SCIN: variants seen among roughly 807,000 people sequenced by gnomAD.
SCIN encodes the protein adseverin.
Under a neutral mutation model 91.8 loss-of-function variants are expected in SCIN, and 91 were observed. The ratio of observed to expected loss-of-function variants is 0.99; its 90% CI spans 0.84 to 1.18. The LOEUF (loss-of-function observed/expected upper bound fraction) is 1.18. SCIN is among the 50% of genes most tolerant of loss of function. The pLI is 0.00. For missense variants in SCIN, 1,087 were observed against 863.9 expected, an observed-to-expected ratio of 1.26 and a Z score of -3.24; for synonymous variants, 367 against 312.6, an observed-to-expected ratio of 1.17 and a Z score of -1.84.
intron 3 of SCIN, among the ~76,000 whole-genome samples, chr7:12,586,515 T>C (rs944217985): frequency 5.3e-5 from 8 of 152,094 alleles, no homozygotes; most frequent in Admixed American, 5.2e-4. Context: ...ATGAAAAACA[T>C]TATGGAAGTT....
chr7:12,637,300 T>G (rs1391991453), intron 10 of SCIN, among the ~76,000 whole-genome samples: 1 of 152,194 alleles, frequency 6.6e-6, no homozygotes, highest in African/African-American at 2.4e-5. Context: ...ATCGTAAACA[T>G]GCGTAAGTTA....
intron 4 of SCIN, among the ~76,000 whole-genome samples, chr7:12,621,695 T>TACTG (rs1252394942): frequency 6.7e-6 from 1 of 148,448 alleles, no homozygotes; most frequent in East Asian, 2.0e-4. Context: ...AAAAACTGCA[T>TACTG]TACAATCATT....
At chr7:12,630,112 G>A (rs1359909558) in intron 9 of SCIN, among the ~76,000 whole-genome samples, 3 of 151,900 alleles carry the variant, frequency 2.0e-5, no homozygotes, top group African/African-American at 7.3e-5. Flanking sequence ...CTGCTGATAT[G>A]GTGACATTTC....
intron 8 of SCIN, among the ~76,000 whole-genome samples, chr7:12,628,738 A>G (rs957940620): frequency 6.6e-6 from 1 of 152,158 alleles, no homozygotes; most frequent in South Asian, 2.1e-4. Context: ...ATGTTATTTC[A>G]TAATTGAAGA....
At position 12,644,417 on chromosome 7, in the gene SCIN, G is replaced by T; in HGVS notation, c.1759+102G>T. On this transcript the variant is annotated intron_variant, in intron 12 of 15. Transcript: ENST00000297029. Reference sequence around the variant, plus strand: ...AGTCACTTTCTAATGGCTTATAAGGGTTAACAATCTCTCCATTAGTTGCAG... The same window carrying T: ...AGTCACTTTCTAATGGCTTATAAGGTTTAACAATCTCTCCATTAGTTGCAG... The T allele has an allele frequency of 2.8e-6, 4 of 1,446,984 alleles. No homozygotes were observed. In the Admixed American group the frequency reaches 7.1e-5, roughly 26 times the overall value. The allele number at this position is 1,446,984 out of a possible 1,614,324, so 89.6% of individuals were successfully genotyped here.
At position 12,578,216 on chromosome 7, in the gene SCIN, A is replaced by G; in HGVS notation, c.352A>G (p.Lys118Glu). Residue 118 changes from lysine (K) to glutamate (E), a missense_variant and splice_region_variant, in exon 2 of 16, where the codon AAG becomes GAG. Lys to Glu is a moderately conservative substitution (Grantham distance 56). Transcript: ENST00000297029. ...VSYFKGGLKY[K>E]AGGVASGLNH... ...CTATTTCAAAGGCGGTCTGAAATACAAGGTAAGCAGCTCCCTCAGTTTCCA... is the reference window on the plus strand; with the variant it reads ...CTATTTCAAAGGCGGTCTGAAATACGAGGTAAGCAGCTCCCTCAGTTTCCA... 6.5e-7 allele frequency: 1 copy of G among 1,545,686 alleles called. No homozygotes were observed. Among genetic ancestry groups the G allele is most frequent in the African/African-American group, 1.4e-5 (1 of 72,822 alleles).
At chr7:12,584,869 A>G (rs1782555884) in intron 3 of SCIN, among the ~76,000 whole-genome samples, 1 of 152,212 alleles carries the variant, frequency 6.6e-6, no homozygotes, top group South Asian at 2.1e-4. Context: ...TAGTGGAAGA[A>G]AAGCCCATAT....
intron 3 of SCIN, among the ~76,000 whole-genome samples, chr7:12,603,554 T>C (rs1332853917): frequency 2.6e-5 from 4 of 152,162 alleles, no homozygotes; most frequent in African/African-American, 9.7e-5. Flanking sequence ...GTCTGGGTAT[T>C]ATTCAACTTC....
At chr7:12,637,751 G>A (rs1783780942) in intron 10 of SCIN, among the ~76,000 whole-genome samples, 1 of 152,074 alleles carries the variant, frequency 6.6e-6, no homozygotes, top group African/African-American at 2.4e-5. Flanking sequence ...TACTTGTCGA[G>A]AATGACTGAA....
rs1377568979 is a variant in SCIN at position 12,657,079 on chromosome 7, T to C, written c.*4364T>C. The C allele has an allele frequency of 1.3e-5, 2 of 151,804 alleles. No homozygotes were observed. Among genetic ancestry groups the C allele is most frequent in the Non-Finnish European group, 2.9e-5 (2 of 67,966 alleles). 9.4% of individuals were successfully genotyped at this position (151,804 alleles called of 1,614,324 possible). ...CCACTACTTGGGAAGTATAAATTGA[T>C]ACAATGGGTTTGAACAGTTTTTGTA... On this transcript the variant is annotated 3_prime_UTR_variant, in exon 16 of 16. Coordinates refer to ENST00000297029, the MANE Select transcript of SCIN (RefSeq NM_001112706.3).
chr7:12,592,322 C>A (rs1782741709), intron 3 of SCIN, among the ~76,000 whole-genome samples: 1 of 151,978 alleles, frequency 6.6e-6, no homozygotes, highest in South Asian at 2.1e-4. Context: ...TCGGTATGAG[C>A]CATCAGACTT....
chr7:12,596,836 A>G (rs922739944), intron 3 of SCIN, among the ~76,000 whole-genome samples: 1 of 152,182 alleles, frequency 6.6e-6, no homozygotes, highest in Non-Finnish European at 1.5e-5. Flanking sequence ...AGAATTGTCC[A>G]AGTCATTTTC....
intron 4 of SCIN, among the ~76,000 whole-genome samples, chr7:12,605,421 T>C (rs879148384): frequency 1.3e-5 from 2 of 152,170 alleles, no homozygotes; most frequent in African/African-American, 4.8e-5. Context: ...GAGTATCCCT[T>C]TTCCAAAGTG....
chr7:12,632,243 G>T (rs1783661822), intron 9 of SCIN, among the ~76,000 whole-genome samples: 1 of 151,744 alleles, frequency 6.6e-6, no homozygotes, highest in South Asian at 2.1e-4. Flanking sequence ...CTATTCTCCT[G>T]CCTCAGCCTC....
In SCIN at chr7:12,657,678, T is replaced by C. The variant is rs1784196132; in HGVS notation, c.*4963T>C. The C allele has an allele frequency of 6.8e-6, 1 of 148,118 alleles. No individual in the cohort carries two copies. 9.2% of individuals were successfully genotyped at this position (148,118 alleles called of 1,614,324 possible). A position where few individuals can be genotyped will look rare whatever the true frequency, so the allele number is the denominator to read the frequency against. ...AGTGGAAGACAAATCAGAGGTATTA[T>C]TTTCCCTTGGGCCTTTGCAGCCTGT... On this transcript the variant is annotated 3_prime_UTR_variant, in exon 16 of 16. Transcript: ENST00000297029.
At chr7:12,600,865 T>A (rs849773) in intron 3 of SCIN, among the ~76,000 whole-genome samples, 132,231 of 152,178 alleles carry the variant, frequency 0.87, 57,819 homozygotes, top group East Asian at 1. Flanking sequence ...CTGATTTTAG[T>A]GCTCAGTGGC....
chr7:12,655,522 T>C lies in SCIN; in HGVS notation c.*2807T>C, dbSNP rs1359621105. On this transcript the variant is annotated 3_prime_UTR_variant, in exon 16 of 16. Transcript: ENST00000297029. ...AATGAAAAGATGTTCTAAGACACTC[T>C]TAATTAAATAAATTCACAATAAAAT... The C allele has an allele frequency of 6.6e-6, 1 of 152,206 alleles. No homozygotes were observed. Among genetic ancestry groups the C allele is most frequent in the African/African-American group, 2.4e-5 (1 of 41,440 alleles). The allele number at this position is 152,206 out of a possible 1,614,324, so 9.4% of individuals were successfully genotyped here.
At chr7:12,609,533 A>C (rs1306523970) in intron 4 of SCIN, among the ~76,000 whole-genome samples, 1 of 152,128 alleles carries the variant, frequency 6.6e-6, no homozygotes, top group Non-Finnish European at 1.5e-5. Flanking sequence ...CAAACAAAAA[A>C]AACCCCAAGG....
intron 8 of SCIN, among the ~76,000 whole-genome samples, chr7:12,627,624 G>A (rs1025293296): frequency 5.9e-5 from 9 of 152,190 alleles, no homozygotes; most frequent in South Asian, 2.1e-4. Flanking sequence ...TTTCAAAGAC[G>A]TGAAGCGTGA....
Sources: allele counts gnomAD v4.1 joint callset (sites outside exome capture counted in the v4.1 genomes callset), GRCh38; gene constraint gnomAD v4.1.1; transcripts MANE v1.5; gene names NCBI Gene and HGNC (gene_info 2026-07-23, HGNC 2026-07-21).